Variants in STAT4 observed in about 807,000 individuals in gnomAD.
The protein encoded by STAT4 is signal transducer and activator of transcription 4.
STAT4 carries 42 observed loss-of-function variants against 110.5 expected under a neutral mutation model. That is an observed-to-expected ratio of 0.38 (90% CI 0.30 to 0.49). STAT4 has a LOEUF of 0.49. Among genes scored for constraint, STAT4 ranks in the 20% least tolerant of loss-of-function variants. The pLI is 0.95. For missense variants in STAT4, 632 were observed against 887.9 expected, an observed-to-expected ratio of 0.71 and a Z score of 3.66; for synonymous variants, 284 against 302.2, an observed-to-expected ratio of 0.94 and a Z score of 0.63.
At chr2:191,074,801 A>G (rs949456860) in intron 4 of STAT4, among the ~76,000 whole-genome samples, 1 of 152,228 alleles carries the variant, frequency 6.6e-6, no homozygotes, top group African/African-American at 2.4e-5. Context: ...TCAAAACTTC[A>G]AAGTCCTCCC....
intron 3 of STAT4, among the ~76,000 whole-genome samples, chr2:191,136,500 C>G (rs1349363954): frequency 2.0e-5 from 3 of 152,178 alleles, no homozygotes; most frequent in Non-Finnish European, 4.4e-5. Context: ...GCTTGTAATC[C>G]CAGCACCTTG....
intron 4 of STAT4, among the ~76,000 whole-genome samples, chr2:191,074,359 T>C (rs1697253488): frequency 6.6e-6 from 1 of 152,220 alleles, no homozygotes; most frequent in Non-Finnish European, 1.5e-5. Flanking sequence ...TCAGATGTTC[T>C]TCCAGTATAC....
intron 3 of STAT4, among the ~76,000 whole-genome samples, chr2:191,102,415 T>C (rs1698169399): frequency 6.6e-6 from 1 of 152,208 alleles, no homozygotes; most frequent in Admixed American, 6.6e-5. Context: ...TTCATGCTTA[T>C]AGCAATTACC....
In STAT4 at chr2:191,150,564, G is replaced by C. The variant is rs1303744820; in HGVS notation, c.-2+383C>G. On this transcript the variant is annotated intron_variant, in intron 1 of 23. Coordinates refer to ENST00000392320, the MANE Select transcript of STAT4 (RefSeq NM_003151.4). This position sits in a 1 kb window ranked among gnomAD's most constrained non-coding sequence, Gnocchi z 6.4. The stretch of plus-strand genomic sequence containing the variant: ...CAGTCACCGGCTGCCGTAGCTGCAA[G>C]CTTTTTTCTGAAATCCAGGTACGCT... 6.6e-6 allele frequency among the ~76,000 whole-genome samples: 1 copy of C among 152,178 alleles called. No homozygotes were observed. Among genetic ancestry groups the C allele is most frequent in the African/African-American group, 2.4e-5 (1 of 41,450 alleles).
intron 3 of STAT4, among the ~76,000 whole-genome samples, chr2:191,145,604 C>T (rs1470952801): frequency 6.6e-6 from 1 of 152,134 alleles, no homozygotes; most frequent in African/African-American, 2.4e-5. Context: ...CAGGGGATTA[C>T]AAGGGCAAAG....
chr2:191,059,796 GT>G lies in STAT4; in HGVS notation c.1035-1028del, dbSNP rs1467531315. 6.6e-6 allele frequency among the ~76,000 whole-genome samples: 1 copy of G among 152,184 alleles called. No individual in the cohort carries two copies. Among genetic ancestry groups the G allele is most frequent in the Non-Finnish European group, 1.5e-5 (1 of 68,026 alleles). ...AAGTCCTGTACAAGGCACAAGATTG[GT>G]TCAGGATCTGGAGTATGTTGAGTGT... On this transcript the variant is annotated intron_variant, in intron 10 of 23. Transcript: ENST00000392320. This position sits in a 1 kb window ranked among gnomAD's most constrained non-coding sequence, Gnocchi z 4.7.
In STAT4 at chr2:191,031,545, GA is replaced by G. The variant is rs567405205; in HGVS notation, c.2045-30del. 3.1e-4 allele frequency: 495 copies of G among 1,585,558 alleles called. 1 individual carries two copies. The highest frequency in any genetic ancestry group is 2.2e-3 in the African/African-American group (162 of 73,718). Reference sequence around the variant, plus strand: ...GAAAACAAAAAGGCACAATGTTGGGGAAAAAAATGTCAATATTATCAATAAA... The same window carrying G: ...GAAAACAAAAAGGCACAATGTTGGGGAAAAAATGTCAATATTATCAATAAA... On this transcript the variant is annotated intron_variant, in intron 21 of 23. Transcript: ENST00000392320. This position sits in a 1 kb window ranked among gnomAD's most constrained non-coding sequence, Gnocchi z 4.8.
chr2:191,076,547 A>T (rs930087559), intron 3 of STAT4, among the ~76,000 whole-genome samples: 5 of 152,108 alleles, frequency 3.3e-5, no homozygotes, highest in Non-Finnish European at 5.9e-5. Flanking sequence ...CTCAAAAATA[A>T]CTTTTAACAA....
intron 3 of STAT4, among the ~76,000 whole-genome samples, chr2:191,096,235 T>C (rs1478855373): frequency 6.6e-6 from 1 of 152,082 alleles, no homozygotes; most frequent in African/African-American, 2.4e-5. Flanking sequence ...TTCCAATCAA[T>C]AGAAAGAGAG....
At chr2:191,065,184 G>A (rs560023061) in intron 7 of STAT4, among the ~76,000 whole-genome samples, 5 of 152,128 alleles carry the variant, frequency 3.3e-5, no homozygotes, top group African/African-American at 1.2e-4. Context: ...CATTCTCATC[G>A]TGTTTCAGTA....
At chr2:191,054,861 T>C (rs982847512) in intron 13 of STAT4, among the ~76,000 whole-genome samples, 7 of 152,346 alleles carry the variant, frequency 4.6e-5, no homozygotes, top group Admixed American at 3.3e-4. Context: ...AGCATCATTT[T>C]AGCTAAGCTG....
chr2:191,071,341 T>G (rs1258694347), intron 5 of STAT4, among the ~76,000 whole-genome samples: 2 of 152,200 alleles, frequency 1.3e-5, no homozygotes, highest in Non-Finnish European at 2.9e-5. Flanking sequence ...GCTAAGTTTC[T>G]GCAGAACAAA....
chr2:191,117,717 C>G lies in STAT4; in HGVS notation c.273+28896G>C, dbSNP rs999350922. ...GAGTCCATTCTAAGAATACAAAATA[C>G]CCACATCCTAAATCCACCATTGCTT... is the stretch of plus-strand genomic sequence containing the variant. On this transcript the variant is annotated intron_variant, in intron 3 of 23. Coordinates refer to ENST00000392320, the MANE Select transcript of STAT4 (RefSeq NM_003151.4). The surrounding 1 kb of genome is among the most constrained non-coding windows in gnomAD (Gnocchi z 5.2). 6.6e-6 allele frequency among the ~76,000 whole-genome samples: 1 copy of G among 152,152 alleles called. No individual in the cohort carries two copies. Among genetic ancestry groups the G allele is most frequent in the Non-Finnish European group, 1.5e-5 (1 of 68,032 alleles).
At position 191,058,322 on chromosome 2, in the gene STAT4, G is replaced by T. The variant is rs1232320355; in HGVS notation, c.1095-103C>A. On this transcript the variant is annotated intron_variant, in intron 11 of 23. Coordinates refer to ENST00000392320, the MANE Select transcript of STAT4 (RefSeq NM_003151.4). This position sits in a 1 kb window ranked among gnomAD's most constrained non-coding sequence, Gnocchi z 4.3. ...TTATTTATTTATTTATTTTGAGACA[G>T]AGTCTCGCTCTGTCGTCCAGGCTGG... The T allele has an allele frequency of 6.4e-6, 8 of 1,247,994 alleles. No homozygotes were observed. The highest frequency in any genetic ancestry group is 8.9e-6 in the Non-Finnish European group (8 of 898,832). 77.3% of individuals were successfully genotyped at this position (1,247,994 alleles called of 1,614,324 possible).
At position 191,039,551 on chromosome 2, in the gene STAT4, C is replaced by T. The variant is rs1365451422; in HGVS notation, c.1336-254G>A. On this transcript the variant is annotated intron_variant, in intron 15 of 23. Transcript: ENST00000392320. This position sits in a 1 kb window ranked among gnomAD's most constrained non-coding sequence, Gnocchi z 4.7. ...AGTCAGGCAGCTTCCCAGTATCTCC[C>T]CTGACATTGCGGACACATTTATACT... Among the ~76,000 whole-genome samples the T allele has an allele frequency of 6.6e-6, 1 of 152,196 alleles. No homozygotes were observed. Among genetic ancestry groups the T allele is most frequent in the African/African-American group, 2.4e-5 (1 of 41,452 alleles).
At chr2:191,141,477 CATACAT>C (rs1465125111) in intron 3 of STAT4, among the ~76,000 whole-genome samples, 1 of 46,130 alleles carries the variant, frequency 2.2e-5, no homozygotes, top group Admixed American at 2.7e-4. Flanking sequence ...ATATCACATA[CATACAT>C]ATACATATGT....
chr2:191,149,785 A>G (rs1699547775), intron 1 of STAT4, among the ~76,000 whole-genome samples: 1 of 152,238 alleles, frequency 6.6e-6, no homozygotes, highest in Non-Finnish European at 1.5e-5. Flanking sequence ...AATTTATTTT[A>G]GTTAATGACA....
intron 3 of STAT4, among the ~76,000 whole-genome samples, chr2:191,118,963 A>T (rs1698645336): frequency 6.6e-6 from 1 of 152,100 alleles, no homozygotes; most frequent in East Asian, 1.9e-4. Flanking sequence ...ATGAGGTATC[A>T]CTATGTTGCC....
At chr2:191,045,296 TA>T (rs1352500972) in intron 14 of STAT4, among the ~76,000 whole-genome samples, 1 of 152,182 alleles carries the variant, frequency 6.6e-6, no homozygotes, top group Non-Finnish European at 1.5e-5. Context: ...TGCCATCGCC[TA>T]AAAGTTTGTA....
Sources: allele counts gnomAD v4.1 joint callset (sites outside exome capture counted in the v4.1 genomes callset), GRCh38; gene constraint gnomAD v4.1.1; non-coding constraint Gnocchi (gnomAD v3.1); transcripts MANE v1.5; gene names NCBI Gene and HGNC (gene_info 2026-07-23, HGNC 2026-07-21).